RPS6KA2: variants seen among roughly 807,000 people sequenced by gnomAD.
RPS6KA2 encodes the protein ribosomal protein S6 kinase alpha-2.
In RPS6KA2, 42 loss-of-function variants were observed where a neutral mutation model predicts 91.8. The ratio of observed to expected loss-of-function variants is 0.46; its 90% CI spans 0.36 to 0.59. The LOEUF (loss-of-function observed/expected upper bound fraction) is 0.59, where lower values mean the gene tolerates loss of function less well. Ranked by LOEUF, RPS6KA2 falls within the 20% of genes least tolerant of loss-of-function variation. The pLI, the probability that RPS6KA2 is intolerant of heterozygous loss-of-function variation, is 0.00. For synonymous variants in RPS6KA2, 414 were observed against 393.6 expected, an observed-to-expected ratio of 1.05 and a Z score of -0.61; for missense variants, 798 against 978.5, an observed-to-expected ratio of 0.82 and a Z score of 2.46.
intron 2 of RPS6KA2, among the ~76,000 whole-genome samples, chr6:166,655,913 C>A (rs1340204275): frequency 6.6e-6 from 1 of 152,194 alleles, no homozygotes; most frequent in Non-Finnish European, 1.5e-5. Context: ...CCCAGGAATA[C>A]CTGTAGCTGT....
At position 166,825,419 on chromosome 6, in the gene RPS6KA2, G is replaced by A. The variant is rs1780027485; in HGVS notation, c.123+32781C>T. 6.6e-6 allele frequency among the ~76,000 whole-genome samples: 1 copy of A among 152,194 alleles called. No homozygotes were observed. On this transcript the variant is annotated intron_variant, in intron 2 of 21. Coordinates refer to the RPS6KA2 transcript ENST00000503859. The surrounding 1 kb of genome is among the most constrained non-coding windows in gnomAD (Gnocchi z 4.1). ...TTAGGGGAAGAAATGGAGTTTAGGT[G>A]GAATACAGCAGAGAGGGACCCCTGG...
rs559542231 is a variant in RPS6KA2 at position 166,662,808 on chromosome 6, C to A, written c.124-124024G>T. 6.6e-6 allele frequency among the ~76,000 whole-genome samples: 1 copy of A among 152,164 alleles called. No homozygotes were observed. Among genetic ancestry groups the A allele is most frequent in the African/African-American group, 2.4e-5 (1 of 41,496 alleles). On this transcript the variant is annotated intron_variant, in intron 2 of 21. Transcript: ENST00000503859. This position sits in a 1 kb window ranked among gnomAD's most constrained non-coding sequence, Gnocchi z 4.3. ...GACTGTGACTGTGTGGAGAGAGGAC[C>A]TTTCAAAGGGGAATTCCATTAAATG...
chr6:166,589,221 C>G (rs1248310742), intron 1 of RPS6KA2, among the ~76,000 whole-genome samples: 1 of 152,232 alleles, frequency 6.6e-6, no homozygotes, highest in East Asian at 1.9e-4. Context: ...ATTTATGTTT[C>G]ACAGCCAGTG....
In RPS6KA2 at chr6:166,802,099, TAC is replaced by T. The variant is rs564126272; in HGVS notation, c.123+56099_123+56100del. ...GGTGAAACCCCATCTCTACTAAAAATACACACACACACACAAACAAATTAGCC... is the reference window on the plus strand; with the variant it reads ...GGTGAAACCCCATCTCTACTAAAAATACACACACACACAAACAAATTAGCC... On this transcript the variant is annotated intron_variant, in intron 2 of 21. Transcript: ENST00000503859. 3.3e-5 allele frequency among the ~76,000 whole-genome samples: 5 copies of T among 151,052 alleles called. No individual in the cohort carries two copies. In the East Asian group the frequency reaches 7.8e-4, roughly 23 times the overall value.
intron 14 of RPS6KA2, among the ~76,000 whole-genome samples, chr6:166,446,800 G>A (rs565237108): frequency 5.3e-4 from 81 of 152,326 alleles, no homozygotes; most frequent in Admixed American, 1.3e-3. Flanking sequence ...GTTTCTTTGA[G>A]CTCACTGGGA....
At chr6:166,522,654 G>A (rs984656868) in intron 3 of RPS6KA2, among the ~76,000 whole-genome samples, 18 of 152,156 alleles carry the variant, frequency 1.2e-4, no homozygotes, top group Admixed American at 9.8e-4. Context: ...AAAGGCTATT[G>A]AGCCTGAAAT....
rs188005124 is a variant in RPS6KA2 at position 166,474,314 on chromosome 6, C to T, written c.908-4409G>A. ...GACAGGAAAACAGTAACAAGAGCAA[C>T]GGAAAACCTCTGCCCGTGCGTCAGC... On this transcript the variant is annotated intron_variant, in intron 10 of 20. Coordinates refer to ENST00000265678, the MANE Select transcript of RPS6KA2 (RefSeq NM_021135.6). 2.3e-4 allele frequency among the ~76,000 whole-genome samples: 35 copies of T among 152,332 alleles called. No individual in the cohort carries two copies. The East Asian group carries it at 2.5e-3, about 11-fold the overall frequency.
chr6:166,425,580 G>A (rs1445720562), intron 16 of RPS6KA2, among the ~76,000 whole-genome samples: 1 of 151,886 alleles, frequency 6.6e-6, no homozygotes, highest in Non-Finnish European at 1.5e-5. Flanking sequence ...GACACACATA[G>A]GCTCAAAATA....
chr6:166,512,876 TTTTTTC>T (rs1009862968), intron 3 of RPS6KA2, among the ~76,000 whole-genome samples: 4 of 152,156 alleles, frequency 2.6e-5, no homozygotes, highest in African/African-American at 7.2e-5. Flanking sequence ...CAGATCCCCT[TTTTTTC>T]TTTTTCTTTT....
intron 11 of RPS6KA2, among the ~76,000 whole-genome samples, chr6:166,468,697 A>G (rs111905444): frequency 0.036 from 5,535 of 151,798 alleles, 355 homozygotes; most frequent in African/African-American, 0.13. Context: ...CCCTGTCTCT[A>G]CTAAAAATAT....
In RPS6KA2 at chr6:166,662,201, C is replaced by T. The variant is rs1304348310; in HGVS notation, c.124-123417G>A. On this transcript the variant is annotated intron_variant, in intron 2 of 21. Coordinates refer to the RPS6KA2 transcript ENST00000503859. The surrounding 1 kb of genome is among the most constrained non-coding windows in gnomAD (Gnocchi z 4.3). Reference sequence around the variant, plus strand: ...ATTCTTTTTAATCTTTGAAGATTATCGTAGGTGTTGAATTCTCTGCTTCAT... The same window carrying T: ...ATTCTTTTTAATCTTTGAAGATTATTGTAGGTGTTGAATTCTCTGCTTCAT... Among the ~76,000 whole-genome samples, 1 of 152,244 alleles carries T rather than the reference C, an allele frequency of 6.6e-6. No individual in the cohort carries two copies. Among genetic ancestry groups the T allele is most frequent in the Non-Finnish European group, 1.5e-5 (1 of 68,014 alleles).
At chr6:166,815,962 A>G (rs1779750104) in intron 2 of RPS6KA2, among the ~76,000 whole-genome samples, 1 of 152,226 alleles carries the variant, frequency 6.6e-6, no homozygotes, top group Non-Finnish European at 1.5e-5. Context: ...TCTACAGAGC[A>G]TCAAACCTAA....
At chr6:166,589,119 C>A (rs1785278515) in intron 1 of RPS6KA2, among the ~76,000 whole-genome samples, 1 of 152,092 alleles carries the variant, frequency 6.6e-6, no homozygotes, top group African/African-American at 2.4e-5. Flanking sequence ...ATAAAAGAGC[C>A]CCAGGCTTTC....
chr6:166,755,468 G>GTTTA (rs3831151), intron 2 of RPS6KA2, among the ~76,000 whole-genome samples: 6,306 of 151,990 alleles, frequency 0.041, 363 homozygotes, highest in East Asian at 0.22. Context: ...CACAACTGGG[G>GTTTA]TTTATTTATT....
intron 2 of RPS6KA2, among the ~76,000 whole-genome samples, chr6:166,646,163 T>C (rs771647453): frequency 8.5e-5 from 13 of 152,134 alleles, no homozygotes; most frequent in Non-Finnish European, 1.6e-4. Context: ...TCCTTAAACT[T>C]AGTGCCCATC....
At chr6:166,581,424 G>T (rs1196060194) in intron 1 of RPS6KA2, among the ~76,000 whole-genome samples, 1 of 152,026 alleles carries the variant, frequency 6.6e-6, no homozygotes, top group Non-Finnish European at 1.5e-5. Context: ...CTCAGGGAGG[G>T]AACTGACGCC....
chr6:166,754,872 C>T (rs960701635), intron 2 of RPS6KA2, among the ~76,000 whole-genome samples: 3 of 152,144 alleles, frequency 2.0e-5, no homozygotes, highest in Non-Finnish European at 4.4e-5. Flanking sequence ...GTGCCCAGGG[C>T]GGCGGGTTCA....
At position 166,438,529 on chromosome 6, in the gene RPS6KA2, A is replaced by T. The variant is rs796671177; in HGVS notation, c.1333-6039T>A. Among the ~76,000 whole-genome samples the T allele has an allele frequency of 1.2e-4, 19 of 152,370 alleles. 1 individual carries two copies. The highest frequency in any genetic ancestry group is 3.4e-4 in the African/African-American group (14 of 41,586). On this transcript the variant is annotated intron_variant, in intron 14 of 20. Transcript: ENST00000265678. ...CAAACTAAGGTACTTTCAATACCATAACAACAAAAATTTGCTACCGAAAAG... is the reference window on the plus strand; with the variant it reads ...CAAACTAAGGTACTTTCAATACCATTACAACAAAAATTTGCTACCGAAAAG...
chr6:166,440,847 G>A (rs1779497585), intron 14 of RPS6KA2, among the ~76,000 whole-genome samples: 1 of 152,244 alleles, frequency 6.6e-6, no homozygotes, highest in African/African-American at 2.4e-5. Flanking sequence ...GGCAAACGCT[G>A]CAGCCGCAAG....
Sources: allele counts gnomAD v4.1 joint callset (sites outside exome capture counted in the v4.1 genomes callset), GRCh38; gene constraint gnomAD v4.1.1; non-coding constraint Gnocchi (gnomAD v3.1); transcripts MANE v1.5; gene names NCBI Gene and HGNC (gene_info 2026-07-23, HGNC 2026-07-21).